The following CTCFL variants were observed in gnomAD, a reference collection of about 807,000 sequenced individuals.
CTCFL encodes the protein CCCTC-binding factor like.
CTCFL carries 36 observed loss-of-function variants against 67.4 expected under a neutral mutation model. The observed-to-expected ratio is 0.53, with a 90% CI of 0.41 to 0.71. The LOEUF (loss-of-function observed/expected upper bound fraction) is 0.71, where lower values mean the gene tolerates loss of function less well. Ranked by LOEUF, CTCFL falls within the 30% of genes least tolerant of loss-of-function variation. The probability of loss-of-function intolerance (pLI) is 0.00; values close to 1 mark genes in which losing one functional copy is unlikely to be tolerated. For synonymous variants in CTCFL, 324 were observed against 302.3 expected, an observed-to-expected ratio of 1.07 and a Z score of -0.75; for missense variants, 786 against 835.2, an observed-to-expected ratio of 0.94 and a Z score of 0.73.
intron 10 of CTCFL, among the ~76,000 whole-genome samples, chr20:57,502,351 CA>C (rs903115529): frequency 1.3e-5 from 2 of 152,192 alleles, no homozygotes; most frequent in African/African-American, 4.8e-5. Context: ...ACATGATGAA[CA>C]TTTTTTTTAG....
intron 1 of CTCFL, chr20:57,524,539 T>G: frequency 9.1e-7 from 1 of 1,102,496 alleles, no homozygotes; most frequent in Non-Finnish European, 1.1e-6. Context: ...GTGCATATCC[T>G]GGGCCTAGCA....
Position 57,508,680 on chromosome 20 carries a change from T to C in CTCFL, c.1600A>G (p.Arg534Gly). Residue 534 changes from arginine to glycine, a missense_variant, in exon 9 of 11, where the codon AGG becomes GGG. Around this residue, in one of 3 missense-constraint regions of CTCFL, gnomAD observed 199 missense variants for 196.7 expected, o/e 1.01. Coordinates refer to ENST00000243914, the MANE Select transcript of CTCFL (RefSeq NM_001386993.1). ...ATGAAATTTGCATCGTGGTATTTCC[T>C]GAAGTGAGCGTTTAGAAGTTGCTTC... ...RQKQLLNAHFRKYHDANFIPT... is the reference protein window; with the variant it reads ...RQKQLLNAHFGKYHDANFIPT... The C allele has an allele frequency of 1.9e-6, 3 of 1,614,208 alleles. No individual in the cohort carries two copies. Among genetic ancestry groups the C allele is most frequent in the South Asian group, 1.1e-5 (1 of 91,088 alleles).
chr20:57,525,022 C>T lies in CTCFL; in HGVS notation c.-12+6G>A. 6.6e-6 allele frequency: 1 copy of T among 152,334 alleles called. No individual in the cohort carries two copies. 9.4% of individuals were successfully genotyped at this position (152,334 alleles called of 1,614,324 possible). A position where few individuals can be genotyped will look rare whatever the true frequency, so the allele number is the denominator to read the frequency against. ...CAGGTGGGCTTGACCGGGACTGGCC[C>T]CTCACCGCGGAAGGCGTGGCCGGAA... On this transcript the variant is annotated splice_donor_region_variant and intron_variant, in intron 1 of 10. Coordinates refer to ENST00000243914, the MANE Select transcript of CTCFL (RefSeq NM_001386993.1).
chr20:57,524,902 G>A (rs980472349), intron 1 of CTCFL, 126 bp downstream of exon 1: 3 of 305,194 alleles, frequency 9.8e-6, no homozygotes, highest in Non-Finnish European at 1.4e-5. Flanking sequence ...GACCCTCCCA[G>A]GCAGCCCCTC....
chr20:57,503,669 G>C, intron 9 of CTCFL, 68 bp from the exon 10 acceptor site: 1 of 1,525,092 alleles, frequency 6.6e-7, no homozygotes, highest in Non-Finnish European at 8.8e-7. Flanking sequence ...TCAGGGGCCT[G>C]TGGGGACCCC....
chr20:57,513,422 C>T (rs750154360), intron 7 of CTCFL: 229 of 988,424 alleles, frequency 2.3e-4, no homozygotes, highest in Non-Finnish European at 2.7e-4. Context: ...TCCACCTTAC[C>T]CACAGTGACT....
In CTCFL at chr20:57,498,442, T is replaced by A; in HGVS notation, c.*108A>T. ...AGGGGCAGTGAACATGCAACCTGAC[T>A]CTCTCTCACTTATCCATCGTGTTGA... is the stretch of plus-strand genomic sequence containing the variant. On this transcript the variant is annotated 3_prime_UTR_variant, in exon 11 of 11. Coordinates refer to ENST00000243914, the MANE Select transcript of CTCFL (RefSeq NM_001386993.1). 1.4e-6 allele frequency: 2 copies of A among 1,477,986 alleles called. No individual in the cohort carries two copies. Among genetic ancestry groups the A allele is most frequent in the Non-Finnish European group, 1.8e-6 (2 of 1,112,762 alleles). 91.6% of individuals were successfully genotyped at this position (1,477,986 alleles called of 1,614,324 possible). A position where few individuals can be genotyped will look rare whatever the true frequency, so the allele number is the denominator to read the frequency against.
At chr20:57,510,818 T>G (rs527366511) in intron 8 of CTCFL, among the ~76,000 whole-genome samples, 1 of 152,120 alleles carries the variant, frequency 6.6e-6, no homozygotes, top group Non-Finnish European at 1.5e-5. Context: ...ATAGCGCCAC[T>G]GCACTCTAGC....
rs1211454006 is a variant in CTCFL, at chr20:57,505,499, G to A, written c.1675-1898C>T. Among the ~76,000 whole-genome samples, 7 of 151,960 alleles carry A rather than the reference G, an allele frequency of 4.6e-5. No individual in the cohort carries two copies. The South Asian group carries it at 6.2e-4, about 14-fold the overall frequency. On this transcript the variant is annotated intron_variant, in intron 9 of 10. Transcript: ENST00000243914. ...TCTCGATCTCCTGACCTCGTGATCC[G>A]CCCGCCTCGGCCTCCCAAAATGCTG... is the stretch of plus-strand genomic sequence containing the variant.
intron 7 of CTCFL, among the ~76,000 whole-genome samples, chr20:57,514,231 C>A (rs375625028): frequency 2.0e-5 from 3 of 152,292 alleles, no homozygotes; most frequent in East Asian, 3.9e-4. Context: ...AATCCAGCCA[C>A]CTCCTAGCAC....
At chr20:57,521,207 G>A (rs1420568083) in intron 3 of CTCFL, among the ~76,000 whole-genome samples, 4 of 152,276 alleles carry the variant, frequency 2.6e-5, no homozygotes, top group African/African-American at 9.6e-5. Flanking sequence ...TTGTCATGGC[G>A]TCCCTGGGAA....
intron 10 of CTCFL, among the ~76,000 whole-genome samples, chr20:57,501,441 C>G (rs2067912178): frequency 6.6e-6 from 1 of 151,964 alleles, no homozygotes; most frequent in Admixed American, 6.6e-5. Context: ...GTTCCAGACT[C>G]AGAGTCAGAA....
At chr20:57,524,399 C>T (rs1568889232) in intron 1 of CTCFL, 183 bp from the exon 2 acceptor site, 10 of 1,428,992 alleles carry the variant, frequency 7.0e-6, no homozygotes, top group Non-Finnish European at 9.1e-6. Context: ...GGGGTCAAGG[C>T]TAAGCAGGAT....
chr20:57,506,998 T>TTC (rs2068241247), intron 9 of CTCFL: 1 of 984,932 alleles, frequency 1.0e-6, no homozygotes, highest in Middle Eastern at 5.2e-4. Flanking sequence ...ATAGTCAACT[T>TTC]CAGGAAATTC....
Position 57,521,907 on chromosome 20 carries a change from T to C in CTCFL, c.754+1161A>G, listed in dbSNP as rs899956517. Among the ~76,000 whole-genome samples, 5 of 152,204 alleles carry C rather than the reference T, an allele frequency of 3.3e-5. No individual in the cohort carries two copies. In the South Asian group the frequency reaches 1.0e-3, roughly 31 times the overall value. Reference sequence around the variant, plus strand: ...ACGGAAACAAAAAGTAAATTAGTGGTAGCCAGGGGCTAGGAGGAACAGAGT... The same window carrying C: ...ACGGAAACAAAAAGTAAATTAGTGGCAGCCAGGGGCTAGGAGGAACAGAGT... On this transcript the variant is annotated intron_variant, in intron 3 of 10. Coordinates refer to ENST00000243914, the MANE Select transcript of CTCFL (RefSeq NM_001386993.1).
chr20:57,518,782 G>A lies in CTCFL; in HGVS notation c.1035C>T (p.Ser345=), dbSNP rs1408833602. 6.2e-7 allele frequency: 1 copy of A among 1,614,034 alleles called. No homozygotes were observed. Among genetic ancestry groups the A allele is most frequent in the Non-Finnish European group, 8.5e-7 (1 of 1,180,046 alleles). The change falls in exon 5 of 11, where the codon TCC becomes TCT. Residue 345 remains serine (S), a synonymous_variant. Coordinates refer to ENST00000243914, the MANE Select transcript of CTCFL (RefSeq NM_001386993.1). ...KHTHEKPFKC[S]MCKYASVEAS... ...CCTCCACACTGGCATACTTGCACAT[G>A]GAACATTTAAAGGGTTTCTCATGAG...
At chr20:57,510,877 G>T (rs1330360734) in intron 8 of CTCFL, among the ~76,000 whole-genome samples, 7 of 152,080 alleles carry the variant, frequency 4.6e-5, no homozygotes, top group Admixed American at 4.6e-4. Flanking sequence ...AATAAAAAAA[G>T]AATTCAGATG....
At chr20:57,515,883 C>G (rs1382928103) in intron 5 of CTCFL, 49 bp from the exon 6 acceptor site, 1 of 1,566,722 alleles carries the variant, frequency 6.4e-7, no homozygotes, top group East Asian at 2.3e-5. Flanking sequence ...TAAAAAATGG[C>G]AGAGTCTTCC....
chr20:57,504,178 G>T (rs561088373), intron 9 of CTCFL, among the ~76,000 whole-genome samples: 3 of 151,620 alleles, frequency 2.0e-5, no homozygotes, highest in African/African-American at 7.3e-5. Context: ...GGGTTTCACC[G>T]TGTTAGCCAG....
Sources: gnomAD v4.1 joint callset for allele counts (sites outside exome capture counted in the v4.1 genomes callset) on GRCh38, gnomAD v4.1.1 for gene constraint, gnomAD v4.1.1 regional missense constraint, MANE v1.5 for transcripts, NCBI Gene and HGNC (gene_info 2026-07-23, HGNC 2026-07-21) for gene names.